The following GALNTL6 variants were observed in gnomAD, a reference collection of about 807,000 sequenced individuals.
GALNTL6 encodes the protein polypeptide N-acetylgalactosaminyltransferase-like 6.
GALNTL6 carries 46 observed loss-of-function variants against 73.7 expected under a neutral mutation model. The observed-to-expected ratio is 0.62, with a 90% confidence interval of 0.49 to 0.80. The LOEUF is 0.80. GALNTL6 is among the 30% of genes least tolerant of loss of function. The pLI, the probability that GALNTL6 is intolerant of heterozygous loss-of-function variation, is 0.00. For synonymous variants in GALNTL6, 259 were observed against 263.7 expected (o/e 0.98, Z 0.17); for missense variants, 604 against 755.0 (o/e 0.80, Z 2.34).
chr4:172,190,283 T>C (rs1735536078), intron 2 of GALNTL6, among the ~76,000 whole-genome samples: 1 of 152,200 alleles, frequency 6.6e-6, no homozygotes, highest in Non-Finnish European at 1.5e-5. Context: ...TATTAATTTA[T>C]TTAAAAAATA....
chr4:172,532,865 A>C (rs965492613), intron 5 of GALNTL6, among the ~76,000 whole-genome samples: 2 of 152,192 alleles, frequency 1.3e-5, no homozygotes, highest in African/African-American at 4.8e-5. Flanking sequence ...GACAGACTTA[A>C]ATTATGGACT....
intron 8 of GALNTL6, among the ~76,000 whole-genome samples, chr4:172,926,534 G>A (rs1476913138): frequency 6.6e-6 from 1 of 152,182 alleles, no homozygotes; most frequent in East Asian, 1.9e-4. Context: ...CATTGTTCCA[G>A]ACCTTGACCC....
chr4:172,235,857 G>A (rs112039285), intron 3 of GALNTL6, among the ~76,000 whole-genome samples: 1 of 151,974 alleles, frequency 6.6e-6, no homozygotes, highest in Non-Finnish European at 1.5e-5. Context: ...TATGCCCAGT[G>A]TTAACCCACA....
chr4:172,683,935 A>G (rs1327151042), intron 5 of GALNTL6, among the ~76,000 whole-genome samples: 1 of 152,216 alleles, frequency 6.6e-6, no homozygotes, highest in African/African-American at 2.4e-5. Context: ...TATGACTTAG[A>G]AAGGACCACA....
chr4:172,286,581 G>A (rs1482500541), intron 3 of GALNTL6, among the ~76,000 whole-genome samples: 5 of 152,204 alleles, frequency 3.3e-5, no homozygotes. Context: ...ATGGGCTAAT[G>A]ATTTTGGAGA....
chr4:173,021,073 A>AAAAC (rs113079281), intron 11 of GALNTL6, among the ~76,000 whole-genome samples: 12,776 of 152,002 alleles, frequency 0.084, 1,025 homozygotes, highest in African/African-American at 0.21. Flanking sequence ...ACTCTGTCTG[A>AAAAC]AAACAAACAA....
chr4:172,008,114 C>T (rs188745148), intron 2 of GALNTL6, among the ~76,000 whole-genome samples: 2 of 152,218 alleles, frequency 1.3e-5, no homozygotes, highest in East Asian at 3.9e-4. Flanking sequence ...TTTTCATTTG[C>T]TTGTTTGCAT....
intron 2 of GALNTL6, among the ~76,000 whole-genome samples, chr4:172,213,107 T>TG (rs1736386065): frequency 6.6e-6 from 1 of 152,064 alleles, no homozygotes; most frequent in South Asian, 2.1e-4. Flanking sequence ...TCCTTTTTTT[T>TG]TGTGGTTTCA....
intron 10 of GALNTL6, among the ~76,000 whole-genome samples, chr4:172,988,688 G>A (rs1370502016): frequency 1.3e-5 from 2 of 152,248 alleles, no homozygotes; most frequent in South Asian, 2.1e-4. Context: ...CATGGGCCAG[G>A]CCCAGGACCC....
At chr4:172,352,644 C>T (rs1360954471) in intron 5 of GALNTL6, among the ~76,000 whole-genome samples, 6 of 152,054 alleles carry the variant, frequency 3.9e-5, no homozygotes, top group Non-Finnish European at 8.8e-5. Context: ...CTTGACAGTT[C>T]CCTGAACTTT....
intron 5 of GALNTL6, among the ~76,000 whole-genome samples, chr4:172,517,419 A>G (rs1033413630): frequency 6.6e-6 from 1 of 152,094 alleles, no homozygotes; most frequent in Non-Finnish European, 1.5e-5. Context: ...TGTAAGTAGA[A>G]GCAAACAGAG....
intron 2 of GALNTL6, among the ~76,000 whole-genome samples, chr4:171,871,801 A>G (rs1176835888): frequency 1.3e-5 from 2 of 152,214 alleles, no homozygotes; most frequent in East Asian, 1.9e-4. Flanking sequence ...ATTACATTAT[A>G]CATAAAATTT....
intron 5 of GALNTL6, among the ~76,000 whole-genome samples, chr4:172,379,492 T>A (rs2111277957): frequency 7.9e-6 from 1 of 126,570 alleles, no homozygotes; most frequent in South Asian, 2.4e-4. Context: ...ATTGCGCCAC[T>A]GCAGTCCGCA....
intron 2 of GALNTL6, among the ~76,000 whole-genome samples, chr4:171,944,733 T>C (rs993386118): frequency 1.3e-5 from 2 of 151,962 alleles, no homozygotes; most frequent in African/African-American, 4.8e-5. Flanking sequence ...CTATCCTGTA[T>C]GCATTTCTTC....
chr4:172,641,270 A>G (rs570690736), intron 5 of GALNTL6, among the ~76,000 whole-genome samples: 34 of 152,250 alleles, frequency 2.2e-4, no homozygotes, highest in African/African-American at 8.2e-4. Context: ...GACATAAGTC[A>G]GACTATATTA....
intron 5 of GALNTL6, among the ~76,000 whole-genome samples, chr4:172,578,315 C>T (rs1292543111): frequency 6.6e-6 from 1 of 152,212 alleles, no homozygotes; most frequent in African/African-American, 2.4e-5. Flanking sequence ...ATCTGCCACA[C>T]TGATTTAGAC....
At position 172,946,871 on chromosome 4, in the gene GALNTL6, G is replaced by C. The variant is rs574291115; in HGVS notation, c.1150-5166G>C. Among the ~76,000 whole-genome samples, 9 of 152,282 alleles carry C rather than the reference G, an allele frequency of 5.9e-5. No individual in the cohort carries two copies. The South Asian group carries it at 6.2e-4, about 11-fold the overall frequency. On this transcript the variant is annotated intron_variant, in intron 9 of 12. Transcript: ENST00000506823. ...CTGTTCAGCAATCCATTTTGGTTAT[G>C]GAAAAGCAGCCAACATGGTTTGCCC...
At chr4:172,325,227 A>T (rs1740901935) in intron 4 of GALNTL6, among the ~76,000 whole-genome samples, 1 of 151,972 alleles carries the variant, frequency 6.6e-6, no homozygotes, top group South Asian at 2.1e-4. Flanking sequence ...AATATATTTG[A>T]CACTTAGATA....
At chr4:172,680,857 G>C (rs1436712545) in intron 5 of GALNTL6, among the ~76,000 whole-genome samples, 1 of 152,198 alleles carries the variant, frequency 6.6e-6, no homozygotes, top group East Asian at 1.9e-4. Context: ...TTACAAAACA[G>C]TAATCAGTTG....
Sources: gnomAD v4.1 joint callset for allele counts (sites outside exome capture counted in the v4.1 genomes callset) on GRCh38, gnomAD v4.1.1 for gene constraint, MANE v1.5 for transcripts, NCBI Gene and HGNC (gene_info 2026-07-23, HGNC 2026-07-21) for gene names.